The following STOX2 variants were observed in gnomAD, a reference collection of about 807,000 sequenced individuals.
The protein encoded by STOX2 is storkhead box 2, also known as storkhead-box protein 2.
STOX2 carries 28 observed loss-of-function variants against 60.9 expected under a neutral mutation model. The observed-to-expected ratio is 0.46, with a 90% CI of 0.34 to 0.63. The LOEUF (loss-of-function observed/expected upper bound fraction) is 0.63, where lower values mean the gene tolerates loss of function less well. Among genes scored for constraint, STOX2 ranks in the 30% least tolerant of loss-of-function variants. The probability of loss-of-function intolerance (pLI) is 0.01; values close to 1 mark genes in which losing one functional copy is unlikely to be tolerated. For synonymous variants in STOX2, 472 were observed against 463.9 expected, an observed-to-expected ratio of 1.02 and a Z score of -0.22; for missense variants, 1,024 against 1,187.7, an observed-to-expected ratio of 0.86 and a Z score of 2.03.
rs1274534256 is a variant in STOX2, at chr4:184,011,132, G to C, written c.2294G>C (p.Gly765Ala). The C allele has an allele frequency of 2.5e-6, 4 of 1,576,506 alleles. No individual in the cohort carries two copies. Among genetic ancestry groups the C allele is most frequent in the Non-Finnish European group, 3.4e-6 (4 of 1,164,040 alleles). Residue 765 changes from glycine to alanine, a missense_variant, in exon 3 of 4, where the codon GGG becomes GCG. Gly to Ala is a moderately conservative substitution (Grantham distance 60). Transcript: ENST00000308497. The surrounding 1 kb of genome is among the most constrained non-coding windows in gnomAD (Gnocchi z 4.4). ...TCCCAGCGTCAGCAGGAGTCAGGAG[G>C]GAACCAGGAAGCCTCTTTTGACTAT... The part of the protein sequence containing the change: ...PASQRQQESG[G>A]NQEASFDYYN...
At position 183,836,075 on chromosome 4, in the gene STOX2, G is replaced by A. The variant is rs1050353374; in HGVS notation, c.364+38020G>A. Among the ~76,000 whole-genome samples the A allele has an allele frequency of 6.6e-6, 1 of 152,062 alleles. No homozygotes were observed. Among genetic ancestry groups the A allele is most frequent in the African/African-American group, 2.4e-5 (1 of 41,388 alleles). ...TGAGCCATCCTAGTGGGTGGAAAGT[G>A]GTATCCACTGCAGTTTTGATTTGCG... is the stretch of plus-strand genomic sequence containing the variant. On this transcript the variant is annotated intron_variant, in intron 1 of 2. Coordinates refer to the STOX2 transcript ENST00000513034. The surrounding 1 kb of genome is among the most constrained non-coding windows in gnomAD (Gnocchi z 4.1).
At chr4:183,839,008 C>T (rs1381098811) in intron 1 of STOX2, among the ~76,000 whole-genome samples, 2 of 150,780 alleles carry the variant, frequency 1.3e-5, no homozygotes, top group African/African-American at 5.0e-5. Context: ...CACAGGTACA[C>T]GTGCACGCGC....
intron 1 of STOX2, among the ~76,000 whole-genome samples, chr4:183,888,602 G>A (rs951299075): frequency 5.3e-5 from 8 of 152,146 alleles, no homozygotes; most frequent in South Asian, 2.1e-4. Context: ...CCGCCTAATT[G>A]GGACCTGGAT....
intron 1 of STOX2, among the ~76,000 whole-genome samples, chr4:183,916,997 C>T (rs1286366134): frequency 3.3e-5 from 5 of 152,210 alleles, no homozygotes; most frequent in Admixed American, 6.5e-5. Context: ...ACCGACACAT[C>T]TGCCATTTTC....
chr4:183,939,811 C>T (rs895766405), intron 1 of STOX2, among the ~76,000 whole-genome samples: 1 of 152,144 alleles, frequency 6.6e-6, no homozygotes, highest in Admixed American at 6.5e-5. Flanking sequence ...TGCAAGATGA[C>T]ATAATGGCGA....
chr4:183,962,990 G>T (rs1289937083), intron 1 of STOX2, among the ~76,000 whole-genome samples: 2 of 152,184 alleles, frequency 1.3e-5, no homozygotes, highest in Non-Finnish European at 2.9e-5. Flanking sequence ...TAAAATCAGG[G>T]TCTCTGGAAG....
At chr4:183,942,800 A>G (rs182829061) in intron 1 of STOX2, among the ~76,000 whole-genome samples, 9 of 152,348 alleles carry the variant, frequency 5.9e-5, no homozygotes, top group African/African-American at 1.9e-4. Flanking sequence ...GTGCTTTAAA[A>G]AAAAACTTTT....
At chr4:184,012,721 G>T (rs923123804) in intron 3 of STOX2, among the ~76,000 whole-genome samples, 2 of 152,148 alleles carry the variant, frequency 1.3e-5, no homozygotes, top group African/African-American at 2.4e-5. Context: ...ATGGGCCCCA[G>T]TCCCTCTCCC....
At chr4:183,947,514 T>C (rs1742931152) in intron 1 of STOX2, among the ~76,000 whole-genome samples, 1 of 152,226 alleles carries the variant, frequency 6.6e-6, no homozygotes, top group African/African-American at 2.4e-5. Flanking sequence ...ACTAGCTATA[T>C]ACATTATTTA....
intron 1 of STOX2, among the ~76,000 whole-genome samples, chr4:183,981,340 A>G (rs996201956): frequency 2.6e-5 from 4 of 152,054 alleles, no homozygotes; most frequent in Non-Finnish European, 5.9e-5. Context: ...TCACAGTAGA[A>G]TCTAATTGTT....
At chr4:183,926,302 A>C (rs1338291914) in intron 1 of STOX2, among the ~76,000 whole-genome samples, 1 of 150,762 alleles carries the variant, frequency 6.6e-6, no homozygotes, top group Non-Finnish European at 1.5e-5. Flanking sequence ...ACTCAAAATG[A>C]TAAATAAGTA....
At chr4:183,990,905 G>A (rs1733080092) in intron 1 of STOX2, among the ~76,000 whole-genome samples, 1 of 152,094 alleles carries the variant, frequency 6.6e-6, no homozygotes, top group Non-Finnish European at 1.5e-5. Context: ...TTAGGTGAAA[G>A]TCACTTTTTT....
chr4:183,959,260 A>C (rs1743344349), intron 1 of STOX2, among the ~76,000 whole-genome samples: 1 of 152,210 alleles, frequency 6.6e-6, no homozygotes, highest in Non-Finnish European at 1.5e-5. Flanking sequence ...ATCTGAAGAC[A>C]AATTTTTACC....
Position 184,019,128 on chromosome 4 carries a change from G to C in STOX2, c.*1844G>C, listed in dbSNP as rs182347983. The C allele has an allele frequency of 6.6e-6, 1 of 152,260 alleles. No individual in the cohort carries two copies. Among genetic ancestry groups the C allele is most frequent in the African/African-American group, 2.4e-5 (1 of 41,532 alleles). 9.4% of individuals were successfully genotyped at this position (152,260 alleles called of 1,614,324 possible). On this transcript the variant is annotated 3_prime_UTR_variant, in exon 4 of 4. Transcript: ENST00000308497. The stretch of plus-strand genomic sequence containing the variant: ...TTCAGTTATTTGGAAGTTGCATTGG[G>C]TCAAACTGAACTCCTTGAGTTTGGT...
intron 1 of STOX2, among the ~76,000 whole-genome samples, chr4:183,909,112 G>A (rs1741706196): frequency 6.6e-6 from 1 of 152,228 alleles, no homozygotes; most frequent in Admixed American, 6.5e-5. Flanking sequence ...AAGATTGGGA[G>A]AGTAGGTGGA....
chr4:183,932,959 G>T (rs557825840), intron 1 of STOX2, among the ~76,000 whole-genome samples: 2 of 152,314 alleles, frequency 1.3e-5, no homozygotes, highest in South Asian at 2.1e-4. Flanking sequence ...CACTTATTCT[G>T]CAGAGCTTGC....
At position 183,799,962 on chromosome 4, in the gene STOX2, A is replaced by G. The variant is rs544092448; in HGVS notation, c.364+1907A>G. Reference sequence around the variant, plus strand: ...CTCCTCACCTTACCTCTGCACCCTCAGAGGAAGCAGAGGGACTCCCTCTTA... The same window carrying G: ...CTCCTCACCTTACCTCTGCACCCTCGGAGGAAGCAGAGGGACTCCCTCTTA... On this transcript the variant is annotated intron_variant, in intron 1 of 2. Transcript: ENST00000513034. Among the ~76,000 whole-genome samples, 832 of 152,148 alleles carry G rather than the reference A, an allele frequency of 5.5e-3. 9 individuals carry two copies. The highest frequency in any genetic ancestry group is 5.3e-3 in the Non-Finnish European group (360 of 68,010).
chr4:183,952,290 C>G (rs1743119326), intron 1 of STOX2, among the ~76,000 whole-genome samples: 1 of 152,202 alleles, frequency 6.6e-6, no homozygotes, highest in Non-Finnish European at 1.5e-5. Flanking sequence ...ATCCAGGATT[C>G]ATATACTATT....
intron 1 of STOX2, among the ~76,000 whole-genome samples, chr4:183,945,862 C>G (rs1742872105): frequency 6.6e-6 from 1 of 152,184 alleles, no homozygotes; most frequent in Non-Finnish European, 1.5e-5. Flanking sequence ...AGGGCTGTAG[C>G]CATCGTATCC....
Sources: gnomAD v4.1 joint callset for allele counts (sites outside exome capture counted in the v4.1 genomes callset) on GRCh38, gnomAD v4.1.1 for gene constraint, Gnocchi (gnomAD v3.1) non-coding constraint, MANE v1.5 for transcripts, NCBI Gene and HGNC (gene_info 2026-07-23, HGNC 2026-07-21) for gene names.